Variants in PCDH15 observed in about 807,000 individuals in gnomAD.
The protein encoded by PCDH15 is protocadherin related 15, also known as protocadherin-15.
Under a neutral mutation model 178.5 loss-of-function variants are expected in PCDH15, and 129 were observed. That is an observed-to-expected ratio of 0.72 (90% CI 0.63 to 0.84). The LOEUF is 0.84. PCDH15 is among the 40% of genes least tolerant of loss of function. The pLI is 0.00. For missense variants in PCDH15, 2,230 were observed against 2,099.9 expected (o/e 1.06, Z -1.21); for synonymous variants, 800 against 732.0 (o/e 1.09, Z -1.50).
rs574804758 is a variant in PCDH15, at chr10:55,100,732, C to A, written c.-80+65844G>T. Among the ~76,000 whole-genome samples the A allele has an allele frequency of 1.1e-4, 17 of 152,220 alleles. No individual in the cohort carries two copies. The South Asian group carries it at 2.9e-3, about 26-fold the overall frequency. On this transcript the variant is annotated intron_variant, in intron 2 of 5. Transcript: ENST00000458638. ...CTTACAGAGAAGGCATAAATCTATTCATGAGGGGTCAACCTCCATGACCCA... is the reference window on the plus strand; with the variant it reads ...CTTACAGAGAAGGCATAAATCTATTAATGAGGGGTCAACCTCCATGACCCA...
intron 2 of PCDH15, among the ~76,000 whole-genome samples, chr10:55,125,921 A>G (rs1471774901): frequency 6.6e-6 from 1 of 152,080 alleles, no homozygotes; most frequent in Non-Finnish European, 1.5e-5. Flanking sequence ...TATTGGCTAA[A>G]CGGTGTTCTT....
At chr10:54,518,977 T>C (rs938299766) in intron 3 of PCDH15, among the ~76,000 whole-genome samples, 1 of 152,296 alleles carries the variant, frequency 6.6e-6, no homozygotes, top group Admixed American at 6.5e-5. Flanking sequence ...ATTATCTCAA[T>C]AGATGCAGAA....
chr10:55,277,441 T>C (rs567201909), intron 1 of PCDH15, among the ~76,000 whole-genome samples: 2 of 152,224 alleles, frequency 1.3e-5, no homozygotes, highest in African/African-American at 2.4e-5. Context: ...TGTTATACAG[T>C]AGGCACACCT....
chr10:54,707,954 T>C (rs766537253), intron 1 of PCDH15, among the ~76,000 whole-genome samples: 29 of 152,224 alleles, frequency 1.9e-4, no homozygotes, highest in Non-Finnish European at 3.8e-4. Context: ...GATGGCATAA[T>C]TTCTAACATA....
intron 8 of PCDH15, among the ~76,000 whole-genome samples, chr10:54,257,694 A>G (rs7898902): frequency 6.6e-6 from 1 of 152,006 alleles, no homozygotes. Flanking sequence ...CATGTGTAGG[A>G]TTGGAGGGTG....
intron 9 of PCDH15, among the ~76,000 whole-genome samples, chr10:54,214,291 C>T (rs1591210659): frequency 6.6e-6 from 1 of 151,880 alleles, no homozygotes; most frequent in Non-Finnish European, 1.5e-5. Context: ...ATTAAGAGGG[C>T]TCTAATTAAT....
chr10:54,090,813 G>A (rs957171194), intron 15 of PCDH15, among the ~76,000 whole-genome samples: 16 of 151,990 alleles, frequency 1.1e-4, no homozygotes, highest in African/African-American at 2.7e-4. Context: ...CTTCAAAACC[G>A]GGCTCCAATT....
At chr10:55,052,860 G>T (rs538406278) in intron 2 of PCDH15, among the ~76,000 whole-genome samples, 1 of 152,236 alleles carries the variant, frequency 6.6e-6, no homozygotes, top group South Asian at 2.1e-4. Context: ...AATCAAAAGT[G>T]ACTATGGATA....
intron 13 of PCDH15, among the ~76,000 whole-genome samples, chr10:54,176,838 C>G (rs2047486382): frequency 6.6e-6 from 1 of 152,072 alleles, no homozygotes; most frequent in South Asian, 2.1e-4. Context: ...CAAATTGGTA[C>G]AGTCACCTTA....
At chr10:55,280,000 G>T (rs986151843) in intron 1 of PCDH15, among the ~76,000 whole-genome samples, 5 of 152,032 alleles carry the variant, frequency 3.3e-5, no homozygotes, top group African/African-American at 1.2e-4. Flanking sequence ...GCCTATCAGG[G>T]TTCCACATAA....
intron 2 of PCDH15, among the ~76,000 whole-genome samples, chr10:55,451,289 G>C (rs530763609): frequency 6.6e-6 from 1 of 152,074 alleles, no homozygotes; most frequent in South Asian, 2.1e-4. Context: ...ACGAGGTCAG[G>C]AGATCGAGGC....
At chr10:55,291,535 A>G (rs2132268577) in intron 1 of PCDH15, among the ~76,000 whole-genome samples, 1 of 152,346 alleles carries the variant, frequency 6.6e-6, no homozygotes, top group South Asian at 2.1e-4. Context: ...TAATTTTGCC[A>G]AAAGATTAAA....
intron 8 of PCDH15, among the ~76,000 whole-genome samples, chr10:54,261,988 C>T (rs755617198): frequency 5.3e-5 from 8 of 152,126 alleles, no homozygotes; most frequent in Non-Finnish European, 1.2e-4. Flanking sequence ...CACTAGACAC[C>T]AGGACTGGCC....
chr10:53,861,930 T>C (rs978399064), intron 27 of PCDH15, among the ~76,000 whole-genome samples: 1 of 152,112 alleles, frequency 6.6e-6, no homozygotes, highest in African/African-American at 2.4e-5. Context: ...AAAAGAGGTG[T>C]TTTAATAGTC....
At chr10:54,283,020 A>G (rs2058797377) in intron 8 of PCDH15, among the ~76,000 whole-genome samples, 1 of 152,138 alleles carries the variant, frequency 6.6e-6, no homozygotes, top group Admixed American at 6.6e-5. Flanking sequence ...TATGAAAAAA[A>G]GAGTAGGGAT....
chr10:55,308,984 C>T (rs1264242472), intron 1 of PCDH15, among the ~76,000 whole-genome samples: 1 of 151,988 alleles, frequency 6.6e-6, no homozygotes, highest in Non-Finnish European at 1.5e-5. Flanking sequence ...ACAGATGGGA[C>T]CATAAACAAT....
At chr10:54,785,362 CCCT>C (rs1220771295) in intron 1 of PCDH15, among the ~76,000 whole-genome samples, 1 of 151,736 alleles carries the variant, frequency 6.6e-6, no homozygotes, top group African/African-American at 2.4e-5. Context: ...TTTCACAATC[CCCT>C]CCTCCTTTCT....
chr10:55,490,590 A>G (rs1840389615), intron 2 of PCDH15, among the ~76,000 whole-genome samples: 1 of 151,920 alleles, frequency 6.6e-6, no homozygotes, highest in Non-Finnish European at 1.5e-5. Flanking sequence ...GCCCTAGAGT[A>G]AAGGCTACTC....
At chr10:54,069,190 A>C (rs2094194759) in intron 17 of PCDH15, among the ~76,000 whole-genome samples, 1 of 152,210 alleles carries the variant, frequency 6.6e-6, no homozygotes, top group South Asian at 2.1e-4. Context: ...CCAAAATCTA[A>C]GAATGGTGAC....
Sources: gnomAD v4.1 joint callset for allele counts (sites outside exome capture counted in the v4.1 genomes callset) on GRCh38, gnomAD v4.1.1 for gene constraint, MANE v1.5 for transcripts, NCBI Gene and HGNC (gene_info 2026-07-23, HGNC 2026-07-21) for gene names.